Variants in ANK3 observed in about 807,000 individuals in gnomAD.
ANK3 encodes the protein ankyrin 3.
Under a neutral mutation model 370.9 loss-of-function variants are expected in ANK3, and 57 were observed. The observed-to-expected ratio is 0.15, with a 90% CI of 0.12 to 0.19. The LOEUF (loss-of-function observed/expected upper bound fraction) is 0.19. ANK3 is among the 10% of genes least tolerant of loss of function. The pLI is 1.00. For synonymous variants in ANK3, 1,929 were observed against 1,946.3 expected, an observed-to-expected ratio of 0.99 and a Z score of 0.23; for missense variants, 4,439 against 5,302.1, an observed-to-expected ratio of 0.84 and a Z score of 5.06.
Position 60,350,586 on chromosome 10 carries a change from T to C in ANK3, c.114+38839A>G, listed in dbSNP as rs1411844261. Reference sequence around the variant, plus strand: ...TTTCCCCAGGAAAGAGACTCAAAAATCTAACCAAGAGATTCTCTTAAACCT... The same window carrying C: ...TTTCCCCAGGAAAGAGACTCAAAAACCTAACCAAGAGATTCTCTTAAACCT... On this transcript the variant is annotated intron_variant, in intron 1 of 43. Transcript: ENST00000280772. Among the ~76,000 whole-genome samples, 10 of 152,138 alleles carry C rather than the reference T, an allele frequency of 6.6e-5. No individual in the cohort carries two copies. In the South Asian group the frequency reaches 1.0e-3, roughly 16 times the overall value.
At chr10:60,180,628 T>TA (rs2096145735) in intron 18 of ANK3, among the ~76,000 whole-genome samples, 1 of 87,236 alleles carries the variant, frequency 1.1e-5, no homozygotes, top group Non-Finnish European at 2.2e-5. Context: ...AAAAAAAACA[T>TA]GTTAGAGTAG....
At chr10:60,571,194 T>C (rs1373438995) in intron 2 of ANK3, among the ~76,000 whole-genome samples, 1 of 151,994 alleles carries the variant, frequency 6.6e-6, no homozygotes, top group Non-Finnish European at 1.5e-5. Flanking sequence ...CAAGGCAATG[T>C]ACAAGAAGTC....
rs955076890 is a variant in ANK3 at position 60,264,087 on chromosome 10, TAAG to T, written c.514-70_514-68del. 1.8e-5 allele frequency: 25 copies of T among 1,373,250 alleles called. No individual in the cohort carries two copies. The African/African-American group carries it at 3.5e-4, about 19-fold the overall frequency. The allele number at this position is 1,373,250 out of a possible 1,614,324, so 85.1% of individuals were successfully genotyped here. A position where few individuals can be genotyped will look rare whatever the true frequency, so the allele number is the denominator to read the frequency against. On this transcript the variant is annotated intron_variant, in intron 5 of 43. Transcript: ENST00000280772. ...TTTTCTTTTTTATTAAATTAACAAA[TAAG>T]AAGGCAACCAAGTGACCAAGCATCA...
rs199548122 is a variant in ANK3, at chr10:60,347,111, TACTA to T, written c.114+42310_114+42313del. 6.9e-3 allele frequency among the ~76,000 whole-genome samples: 1,048 copies of T among 150,820 alleles called. 7 individuals are homozygous for T. The highest frequency in any genetic ancestry group is 0.024 in the African/African-American group (1,004 of 41,000). On this transcript the variant is annotated intron_variant, in intron 1 of 43. Transcript: ENST00000280772. ...TACCTAATGCAGTACTGTACATACA[TACTA>T]GATACATGTTTACTGAATGATTTGC...
At chr10:60,222,463 T>C (rs1456563238) in intron 8 of ANK3, among the ~76,000 whole-genome samples, 1 of 152,086 alleles carries the variant, frequency 6.6e-6, no homozygotes, top group Non-Finnish European at 1.5e-5. Flanking sequence ...AGGCATTTGT[T>C]CCACTTCACT....
chr10:60,283,259 A>G (rs529133171), intron 1 of ANK3, among the ~76,000 whole-genome samples: 1 of 152,266 alleles, frequency 6.6e-6, no homozygotes, highest in South Asian at 2.1e-4. Flanking sequence ...TCCTAGACTC[A>G]GTATCAGTGG....
intron 15 of ANK3, 110 bp from the exon 16 acceptor site, chr10:60,196,353 C>T: frequency 1.9e-6 from 2 of 1,061,224 alleles, no homozygotes; most frequent in South Asian, 1.5e-5. Context: ...TATTTACATT[C>T]CGGTTTCCAC....
At chr10:60,140,392 T>C in intron 23 of ANK3, 1 of 1,613,794 alleles carries the variant, frequency 6.2e-7, no homozygotes, top group Non-Finnish European at 8.5e-7. Context: ...GATGATCAAA[T>C]GTTTTCCTGA....
At chr10:60,186,531 T>C in intron 17 of ANK3, 184 bp downstream of exon 17, 1 of 711,080 alleles carries the variant, frequency 1.4e-6, no homozygotes. Flanking sequence ...ACCATTTTTC[T>C]TATTGTTTAA....
At chr10:60,354,863 TTTC>T (rs201440534) in intron 1 of ANK3, among the ~76,000 whole-genome samples, 2,044 of 152,290 alleles carry the variant, frequency 0.013, 45 homozygotes, top group African/African-American at 0.044. Flanking sequence ...TAAGAAAAAT[TTTC>T]TTTTGTATTT....
chr10:60,727,530 A>C (rs569638793), intron 1 of ANK3, among the ~76,000 whole-genome samples: 4 of 152,312 alleles, frequency 2.6e-5, no homozygotes, highest in Non-Finnish European at 5.9e-5. Context: ...TTGTACACTT[A>C]AATGTAGTGA....
chr10:60,510,105 T>C (rs1462525743), intron 2 of ANK3, among the ~76,000 whole-genome samples: 3 of 152,036 alleles, frequency 2.0e-5, no homozygotes, highest in Non-Finnish European at 4.4e-5. Context: ...TAGTCCTTCA[T>C]CTAGTATCAA....
chr10:60,117,826 G>C (rs572225914), intron 25 of ANK3, among the ~76,000 whole-genome samples: 13 of 152,128 alleles, frequency 8.5e-5, no homozygotes. Flanking sequence ...AAAAAAGAAA[G>C]AAAAAGCAAT....
At chr10:60,470,467 T>A (rs5011916) in intron 2 of ANK3, among the ~76,000 whole-genome samples, 114,215 of 142,796 alleles carry the variant, frequency 0.8, 42,930 homozygotes, top group South Asian at 0.89. Flanking sequence ...TTTTATACTC[T>A]TTTTTTGAAA....
intron 2 of ANK3, among the ~76,000 whole-genome samples, chr10:60,451,521 G>C (rs1489315806): frequency 1.3e-5 from 2 of 152,276 alleles, no homozygotes; most frequent in African/African-American, 2.4e-5. Flanking sequence ...TCCAGGAAAA[G>C]TGTAGAAGCT....
chr10:60,096,998 C>G (rs1263942162), intron 28 of ANK3, among the ~76,000 whole-genome samples: 2 of 152,150 alleles, frequency 1.3e-5, no homozygotes, highest in Non-Finnish European at 2.9e-5. Flanking sequence ...ACTAAATTCT[C>G]ACATACAAAA....
At chr10:60,552,929 T>A (rs148413191) in intron 2 of ANK3, among the ~76,000 whole-genome samples, 13,428 of 152,254 alleles carry the variant, frequency 0.088, 804 homozygotes, top group South Asian at 0.19. Context: ...ACAAGCTCTC[T>A]CTTTGCCTGC....
chr10:60,606,458 G>T (rs1038230054), intron 2 of ANK3, among the ~76,000 whole-genome samples: 1 of 151,958 alleles, frequency 6.6e-6, no homozygotes, highest in Non-Finnish European at 1.5e-5. Context: ...CATTTTAAAA[G>T]TATGGCTTGT....
At chr10:60,716,894 T>C (rs2079798440) in intron 1 of ANK3, among the ~76,000 whole-genome samples, 2 of 152,146 alleles carry the variant, frequency 1.3e-5, no homozygotes, top group African/African-American at 4.8e-5. Flanking sequence ...ATTACACAAT[T>C]GTAACCAGAA....
Sources: allele counts gnomAD v4.1 joint callset (sites outside exome capture counted in the v4.1 genomes callset), GRCh38; gene constraint gnomAD v4.1.1; transcripts MANE v1.5; gene names NCBI Gene and HGNC (gene_info 2026-07-23, HGNC 2026-07-21).